HEATR4: variants seen among roughly 807,000 people sequenced by gnomAD.
HEATR4 encodes HEAT repeat containing 4.
HEATR4 carries 95 observed loss-of-function variants against 108.8 expected under a neutral mutation model. The observed-to-expected ratio is 0.87, with a 90% confidence interval of 0.74 to 1.04. The LOEUF (loss-of-function observed/expected upper bound fraction) is 1.04. HEATR4 is among the 50% of genes least tolerant of loss of function. The pLI, the probability that HEATR4 is intolerant of heterozygous loss-of-function variation, is 0.00. For missense variants in HEATR4, 1,152 were observed against 1,253.8 expected (o/e 0.92, Z 1.23); for synonymous variants, 443 against 459.4 (o/e 0.96, Z 0.46).
chr14:73,570,556 G>A, the HEATR4 span, among the ~76,000 whole-genome samples: 2 of 146,016 alleles, frequency 1.4e-5, no homozygotes, highest in Admixed American at 6.8e-5. Flanking sequence ...GCGACAGAGC[G>A]AGACTCCGTC....
At chr14:73,561,482 G>A (rs780106370), upstream of HEATR4, among the ~76,000 whole-genome samples, 2 of 152,046 alleles carry the variant, frequency 1.3e-5, no homozygotes, top group African/African-American at 2.4e-5. Context: ...AAGGTCAGGA[G>A]TTCGAGACCA....
Position 73,499,685 on chromosome 14 carries a change from A to G in HEATR4, c.2287-545T>C, listed in dbSNP as rs140553427. 2.6e-4 allele frequency among the ~76,000 whole-genome samples: 39 copies of G among 152,260 alleles called. No individual in the cohort carries two copies. The East Asian group carries it at 7.5e-3, about 29-fold the overall frequency. Reference sequence around the variant, plus strand: ...TCTCAGTCTACAGATCTGGGGCCATATGGCTTCTCTTGAACACTTCAAACA... The same window carrying G: ...TCTCAGTCTACAGATCTGGGGCCATGTGGCTTCTCTTGAACACTTCAAACA... On this transcript the variant is annotated intron_variant, in intron 12 of 17. Transcript: ENST00000553558.
chr14:73,595,253 C>T, the HEATR4 span: 1 of 1,614,154 alleles, frequency 6.2e-7, no homozygotes, highest in Admixed American at 1.7e-5. Flanking sequence ...TTTCTCAGGC[C>T]TCGTGGACAT....
intron 16 of HEATR4, among the ~76,000 whole-genome samples, chr14:73,494,316 G>A (rs1440236309): frequency 6.6e-6 from 1 of 152,126 alleles, no homozygotes; most frequent in Non-Finnish European, 1.5e-5. Flanking sequence ...GCTACGCTCA[G>A]GCACACAGAT....
chr14:73,616,789 G>A, the HEATR4 span: 5 of 453,352 alleles, frequency 1.1e-5, no homozygotes, highest in Non-Finnish European at 1.9e-5. Flanking sequence ...AGATTTTAGT[G>A]CACCTGTCGC....
At chr14:73,490,927 C>T (rs1225214203) in intron 17 of HEATR4, 1 of 1,259,990 alleles carries the variant, frequency 7.9e-7, no homozygotes, top group Non-Finnish European at 1.0e-6. Flanking sequence ...GCCGCGCCCC[C>T]TTCCCAGAGT....
At chr14:73,519,220 C>T in intron 4 of HEATR4, 57 bp from the exon 5 acceptor site, 2 of 1,541,870 alleles carry the variant, frequency 1.3e-6, no homozygotes, top group Non-Finnish European at 1.8e-6. Context: ...TCCTTTCTCC[C>T]TGGGTTCCTA....
Position 73,545,928 on chromosome 14 carries a change from T to C in HEATR4, c.-152+12823A>G, listed in dbSNP as rs531901732. Among the ~76,000 whole-genome samples, 4 of 113,750 alleles carry C rather than the reference T, an allele frequency of 3.5e-5. 1 individual carries two copies. The South Asian group carries it at 1.1e-3, about 32-fold the overall frequency. 74.6% of individuals were successfully genotyped at this position (113,750 alleles called of 152,430 possible). ...CTTGGAGGCTGAGGCAGTAGTAGTA[T>C]TGCTTAAGCCCAGGAGTTCAAGCCA... On this transcript the variant is annotated intron_variant, in intron 1 of 17. Coordinates refer to ENST00000553558, the MANE Select transcript of HEATR4 (RefSeq NM_001220484.1).
chr14:73,591,854 T>C, the HEATR4 span: 7 of 1,158,722 alleles, frequency 6.0e-6, no homozygotes, highest in Non-Finnish European at 7.9e-6. Context: ...ACCGGCAGCT[T>C]CCGGCACCAG....
chr14:73,540,742 CTTTTT>C (rs200357086), intron 1 of HEATR4, among the ~76,000 whole-genome samples: 16,647 of 73,562 alleles, frequency 0.23, 1,020 homozygotes, highest in African/African-American at 0.41. Context: ...TGTTTGCATT[CTTTTT>C]TTTTTTTTTT....
chr14:73,499,208 C>T lies in HEATR4; in HGVS notation c.2287-68G>A, dbSNP rs762792640. 5.9e-5 allele frequency: 79 copies of T among 1,337,640 alleles called. No homozygotes were observed. In the South Asian group the frequency reaches 6.3e-4, roughly 11 times the overall value. The allele number at this position is 1,337,640 out of a possible 1,614,324, so 82.9% of individuals were successfully genotyped here. A position where few individuals can be genotyped will look rare whatever the true frequency, so the allele number is the denominator to read the frequency against. On this transcript the variant is annotated intron_variant, in intron 12 of 17. Transcript: ENST00000553558. ...AGAATGAACCAGAAACAGCTGGGTG[C>T]GGTGGTGCACCCCTGTAATCCCAGC...
the HEATR4 span, chr14:73,617,217 G>A: frequency 1.4e-4 from 227 of 1,614,160 alleles, 1 homozygote; most frequent in African/African-American, 2.9e-3. Context: ...TCACCTGAGT[G>A]CAGAAGAGAG....
the HEATR4 span, among the ~76,000 whole-genome samples, chr14:73,611,895 C>T: frequency 6.6e-6 from 1 of 152,076 alleles, no homozygotes; most frequent in Non-Finnish European, 1.5e-5. Flanking sequence ...CCATGTTTCT[C>T]CAAGGGGTCA....
chr14:73,598,831 C>T, the HEATR4 span, among the ~76,000 whole-genome samples: 1 of 151,928 alleles, frequency 6.6e-6, no homozygotes, highest in Non-Finnish European at 1.5e-5. Context: ...GGTGAAACCC[C>T]ATCTCTACTA....
chr14:73,491,341 C>A, intron 17 of HEATR4: 1 of 1,446,748 alleles, frequency 6.9e-7, no homozygotes, highest in Non-Finnish European at 9.1e-7. Flanking sequence ...TGCTGGAGGC[C>A]TCGCCCGCCG....
At chr14:73,491,353 G>GC in intron 17 of HEATR4, 1 of 1,432,484 alleles carries the variant, frequency 7.0e-7, no homozygotes, top group Non-Finnish European at 9.1e-7. Flanking sequence ...CGCCCGCCGC[G>GC]CGCTCCCTGC....
chr14:73,538,924 C>T (rs1434632499), intron 1 of HEATR4, among the ~76,000 whole-genome samples: 1 of 114,006 alleles, frequency 8.8e-6, no homozygotes, highest in Non-Finnish European at 1.9e-5. Context: ...GCCGAGATCA[C>T]GCCATTGTAC....
intron 1 of HEATR4, chr14:73,539,685 G>T (rs1889008282): frequency 8.4e-6 from 1 of 118,728 alleles, no homozygotes; most frequent in South Asian, 2.7e-4. Context: ...GTCACATGCA[G>T]CTCCCTGAGA....
the HEATR4 span, among the ~76,000 whole-genome samples, chr14:73,579,091 G>GGA: frequency 4.3e-5 from 4 of 94,110 alleles, no homozygotes; most frequent in Non-Finnish European, 8.7e-5. Context: ...TCAAAAAAAA[G>GGA]AAAAAAAAAA....
Sources: allele counts gnomAD v4.1 joint callset (sites outside exome capture counted in the v4.1 genomes callset), GRCh38; gene constraint gnomAD v4.1.1; transcripts MANE v1.5; gene names NCBI Gene and HGNC (gene_info 2026-07-23, HGNC 2026-07-21).